DPF3: variants seen among roughly 807,000 people sequenced by gnomAD.
DPF3 encodes double PHD fingers 3.
A neutral mutation model predicts 56.8 loss-of-function variants in DPF3; 18 were observed. That is an observed-to-expected ratio of 0.32 (90% CI 0.22 to 0.47). The LOEUF is 0.47. DPF3 is among the 20% of genes least tolerant of loss of function. The pLI is 1.00. For synonymous variants in DPF3, 188 were observed against 180.2 expected (o/e 1.04, Z -0.35); for missense variants, 403 against 488.8 (o/e 0.82, Z 1.65).
At chr14:72,835,024 T>C (rs1884231721) in intron 1 of DPF3, among the ~76,000 whole-genome samples, 1 of 152,058 alleles carries the variant, frequency 6.6e-6, no homozygotes, top group Non-Finnish European at 1.5e-5. Flanking sequence ...AAAAGCAGAT[T>C]AGTGGTTACC....
Position 72,795,707 on chromosome 14 carries a change from C to T in DPF3, c.33-23814G>A, listed in dbSNP as rs573698292. 5.8e-4 allele frequency among the ~76,000 whole-genome samples: 89 copies of T among 152,302 alleles called. 1 individual carries two copies. Among genetic ancestry groups the T allele is most frequent in the Middle Eastern group, 3.4e-3 (1 of 294 alleles). On this transcript the variant is annotated intron_variant, in intron 1 of 10. Coordinates refer to ENST00000556509, the MANE Select transcript of DPF3 (RefSeq NM_001280542.3). ...GGGCTGTTTGGCCAATGCAGACTGACCCTTTCATGCTGACGTCAGGGAGCC... is the reference window on the plus strand; with the variant it reads ...GGGCTGTTTGGCCAATGCAGACTGATCCTTTCATGCTGACGTCAGGGAGCC...
intron 9 of DPF3, among the ~76,000 whole-genome samples, chr14:72,628,510 C>A (rs1429350656): frequency 1.3e-5 from 2 of 152,084 alleles, no homozygotes; most frequent in Non-Finnish European, 2.9e-5. Context: ...TATTTTGCAA[C>A]CCCTAACAAA....
chr14:72,609,156 T>G lies in DPF3; in HGVS notation c.*10141A>C, dbSNP rs1044321944. ...GATACTAACCACAGCAAGGAAGGGG[T>G]AGGGGCTTGTGACTCAGTCTTTGAG... On this transcript the variant is annotated 3_prime_UTR_variant, in exon 11 of 11. Transcript: ENST00000556509. Among the ~76,000 whole-genome samples, 12 of 151,880 alleles carry G rather than the reference T, an allele frequency of 7.9e-5. No homozygotes were observed. The highest frequency in any genetic ancestry group is 2.9e-4 in the African/African-American group (12 of 41,308).
intron 2 of DPF3, among the ~76,000 whole-genome samples, chr14:72,771,217 A>G (rs1275375425): frequency 6.6e-6 from 1 of 152,248 alleles, no homozygotes; most frequent in African/African-American, 2.4e-5. Flanking sequence ...TTTTGGAAGC[A>G]CATACTTGCT....
chr14:72,788,035 A>C (rs187664909), intron 1 of DPF3, among the ~76,000 whole-genome samples: 4 of 152,330 alleles, frequency 2.6e-5, no homozygotes, highest in Non-Finnish European at 5.9e-5. Context: ...AAACCTACCA[A>C]CAGGTGCCTA....
At chr14:72,673,374 T>C in intron 8 of DPF3, among the ~76,000 whole-genome samples, 1 of 152,208 alleles carries the variant, frequency 6.6e-6, no homozygotes, top group African/African-American at 2.4e-5. Context: ...CAGGGGCTGA[T>C]GAGACTAAAA....
chr14:72,796,371 C>A (rs1189905168), intron 1 of DPF3, among the ~76,000 whole-genome samples: 1 of 152,174 alleles, frequency 6.6e-6, no homozygotes, highest in Non-Finnish European at 1.5e-5. Flanking sequence ...GGCATAGTGG[C>A]ATGGGCCTGT....
chr14:72,868,073 C>G (rs1276791465), intron 1 of DPF3, among the ~76,000 whole-genome samples: 1 of 152,144 alleles, frequency 6.6e-6, no homozygotes, highest in Non-Finnish European at 1.5e-5. Context: ...TCACCTGATT[C>G]CACCCTTTCA....
chr14:72,623,573 T>A (rs1371471454), intron 9 of DPF3, among the ~76,000 whole-genome samples: 1 of 152,218 alleles, frequency 6.6e-6, no homozygotes, highest in Non-Finnish European at 1.5e-5. Context: ...GTGCATCAAA[T>A]GAGTAATTAT....
chr14:72,662,366 C>A, intron 8 of DPF3: 1 of 984,938 alleles, frequency 1.0e-6, no homozygotes, highest in Non-Finnish European at 1.2e-6. Context: ...CACAAAATTG[C>A]GCTTAACTTT....
Position 72,836,176 on chromosome 14 carries a change from G to A in DPF3, c.32+57881C>T, listed in dbSNP as rs117320515. 1.2e-3 allele frequency: 1,171 copies of A among 986,160 alleles called. 1 individual carries two copies. The highest frequency in any genetic ancestry group is 1.4e-3 in the Non-Finnish European group (1,122 of 830,542). 61.1% of individuals were successfully genotyped at this position (986,160 alleles called of 1,614,324 possible). On this transcript the variant is annotated intron_variant, in intron 1 of 10. Coordinates refer to ENST00000556509, the MANE Select transcript of DPF3 (RefSeq NM_001280542.3). ...CATTGTGTTCTCAGAAGGGGTTGGA[G>A]CCTCTGGGGAGGGGGCACTGAGGAC...
intron 2 of DPF3, among the ~76,000 whole-genome samples, chr14:72,766,679 T>C (rs1030168389): frequency 1.3e-5 from 2 of 152,214 alleles, no homozygotes; most frequent in African/African-American, 2.4e-5. Flanking sequence ...TTCGAACTCC[T>C]GGGCTCAAGC....
rs144788966 is a variant in DPF3 at position 72,623,446 on chromosome 14, C to A, written c.985-3462G>T. ...ATTTGACAATACATCCTTAGTAGGA[C>A]ATACCTTAAGGTCATACATAAATGC... On this transcript the variant is annotated intron_variant, in intron 9 of 10. Coordinates refer to ENST00000556509, the MANE Select transcript of DPF3 (RefSeq NM_001280542.3). Among the ~76,000 whole-genome samples the A allele has an allele frequency of 2.1e-3, 316 of 152,262 alleles. 3 individuals are homozygous for A. Among genetic ancestry groups the A allele is most frequent in the African/African-American group, 7.5e-3 (310 of 41,556 alleles).
intron 3 of DPF3, chr14:72,742,506 A>C (rs540736877): frequency 6.6e-6 from 1 of 152,522 alleles, no homozygotes; most frequent in African/African-American, 2.4e-5. Context: ...CGCCTGGCTC[A>C]TCCATCTGAA....
At chr14:72,682,293 C>T (rs184504364) in intron 7 of DPF3, among the ~76,000 whole-genome samples, 2 of 151,034 alleles carry the variant, frequency 1.3e-5, no homozygotes, top group African/African-American at 2.4e-5. Flanking sequence ...TTACGTGACA[C>T]GTAATGAGAT....
At chr14:72,871,871 G>A (rs1214098563) in intron 1 of DPF3, among the ~76,000 whole-genome samples, 1 of 152,202 alleles carries the variant, frequency 6.6e-6, no homozygotes, top group Non-Finnish European at 1.5e-5. Context: ...ACTAGGCAGT[G>A]CCCCAGTAGG....
chr14:72,822,921 T>C (rs1441848976), intron 1 of DPF3, among the ~76,000 whole-genome samples: 4 of 152,230 alleles, frequency 2.6e-5, no homozygotes, highest in Admixed American at 2.0e-4. Flanking sequence ...CCAAAACTTT[T>C]TGAGCATCAA....
rs8020478 is a variant in DPF3 at position 72,883,676 on chromosome 14, C to T, written c.32+10381G>A. Among the ~76,000 whole-genome samples the T allele has an allele frequency of 5.9e-3, 903 of 152,206 alleles. 9 individuals carry two copies. The highest frequency in any genetic ancestry group is 0.021 in the African/African-American group (863 of 41,520). ...GGCATGGTGGCTTACGCCTGTAATCCCAGCACGTGGGGAGGCCCAGGTGGG... is the reference window on the plus strand; with the variant it reads ...GGCATGGTGGCTTACGCCTGTAATCTCAGCACGTGGGGAGGCCCAGGTGGG... On this transcript the variant is annotated intron_variant, in intron 1 of 10. Transcript: ENST00000556509.
At chr14:72,864,841 C>T (rs908105923) in intron 1 of DPF3, among the ~76,000 whole-genome samples, 1 of 152,190 alleles carries the variant, frequency 6.6e-6, no homozygotes, top group East Asian at 1.9e-4. Flanking sequence ...GAAGCTCCTG[C>T]CAGTGTCCCC....
Sources: allele counts gnomAD v4.1 joint callset (sites outside exome capture counted in the v4.1 genomes callset), GRCh38; gene constraint gnomAD v4.1.1; transcripts MANE v1.5; gene names NCBI Gene and HGNC (gene_info 2026-07-23, HGNC 2026-07-21).